The following UQCC1 variants were observed in gnomAD, a reference collection of about 807,000 sequenced individuals.
The protein encoded by UQCC1 is ubiquinol-cytochrome c reductase complex assembly factor 1.
In UQCC1, 38 loss-of-function variants were observed where a neutral mutation model predicts 48.0. The observed-to-expected ratio is 0.79, with a 90% CI of 0.61 to 1.04. The LOEUF (loss-of-function observed/expected upper bound fraction) is 1.04. UQCC1 is among the 50% of genes least tolerant of loss of function. UQCC1 has a pLI of 0.00. For synonymous variants in UQCC1, 111 were observed against 129.2 expected (o/e 0.86, Z 0.95); for missense variants, 368 against 381.8 (o/e 0.96, Z 0.30).
chr20:35,339,036 T>C (rs2061349628), intron 7 of UQCC1, among the ~76,000 whole-genome samples: 1 of 150,476 alleles, frequency 6.6e-6, no homozygotes, highest in South Asian at 2.1e-4. Context: ...ATTAAGTGTA[T>C]AACCAGGCTT....
intron 1 of UQCC1, among the ~76,000 whole-genome samples, chr20:35,396,188 T>G (rs2062076227): frequency 1.3e-5 from 2 of 151,876 alleles, no homozygotes; most frequent in South Asian, 4.2e-4. Context: ...TTTCACCATG[T>G]TGACCAGGCT....
At chr20:35,309,781 C>T (rs6579229) in intron 8 of UQCC1, among the ~76,000 whole-genome samples, 7,160 of 152,258 alleles carry the variant, frequency 0.047, 262 homozygotes, top group African/African-American at 0.097. Context: ...GGCAGAGTTC[C>T]ACTCAGTGAA....
chr20:35,352,547 T>C (rs1037368618), intron 6 of UQCC1, among the ~76,000 whole-genome samples: 5 of 152,164 alleles, frequency 3.3e-5, no homozygotes, highest in African/African-American at 1.2e-4. Context: ...CACATAACAA[T>C]TTTGGTCAGC....
At chr20:35,384,887 A>C (rs2061920039) in intron 2 of UQCC1, among the ~76,000 whole-genome samples, 1 of 148,890 alleles carries the variant, frequency 6.7e-6, no homozygotes, top group Non-Finnish European at 1.5e-5. Flanking sequence ...GAATAGCTTG[A>C]ACTGAGGAGG....
chr20:35,341,005 G>A (rs2061370878), intron 7 of UQCC1, among the ~76,000 whole-genome samples: 1 of 152,040 alleles, frequency 6.6e-6, no homozygotes, highest in South Asian at 2.1e-4. Flanking sequence ...GAGAAGGGCG[G>A]ATCACCTGAG....
At chr20:35,391,108 A>G (rs556658959) in intron 2 of UQCC1, among the ~76,000 whole-genome samples, 1 of 152,200 alleles carries the variant, frequency 6.6e-6, no homozygotes, top group Admixed American at 6.5e-5. Context: ...AGGCAAGACA[A>G]TCACTTGAAC....
At chr20:35,366,467 A>G in intron 6 of UQCC1, 90 bp downstream of exon 6, 13 of 1,123,054 alleles carry the variant, frequency 1.2e-5, no homozygotes, top group Non-Finnish European at 1.7e-5. Flanking sequence ...CTGCCATTTC[A>G]TATAATCAGC....
chr20:35,375,531 C>T (rs560574429), intron 4 of UQCC1, among the ~76,000 whole-genome samples: 4 of 152,136 alleles, frequency 2.6e-5, no homozygotes, highest in African/African-American at 7.2e-5. Flanking sequence ...TAGAAGCCCA[C>T]GTTTAAACAA....
At chr20:35,381,468 T>C (rs562603895) in intron 4 of UQCC1, among the ~76,000 whole-genome samples, 51 of 152,318 alleles carry the variant, frequency 3.3e-4, no homozygotes, top group African/African-American at 1.2e-3. Flanking sequence ...GAGGGACTAG[T>C]TCAGCCCCAC....
intron 4 of UQCC1, among the ~76,000 whole-genome samples, chr20:35,381,346 C>T (rs201066626): frequency 6.6e-6 from 1 of 152,102 alleles, no homozygotes; most frequent in African/African-American, 2.4e-5. Flanking sequence ...GAACATTTGG[C>T]CCATCTGACC....
chr20:35,383,970 T>G, intron 3 of UQCC1, 68 bp downstream of exon 3: 1 of 1,412,038 alleles, frequency 7.1e-7, no homozygotes, highest in East Asian at 2.3e-5. Context: ...GCTAACAATT[T>G]TGTTGAGATC....
intron 3 of UQCC1, 120 bp downstream of exon 3, chr20:35,383,918 A>G: frequency 1.3e-6 from 1 of 752,712 alleles, no homozygotes; most frequent in Non-Finnish European, 2.2e-6. Flanking sequence ...AAGTCACTTT[A>G]CCCCCTGAGC....
intron 1 of UQCC1, among the ~76,000 whole-genome samples, chr20:35,397,819 G>A (rs1234975418): frequency 6.6e-6 from 1 of 152,116 alleles, no homozygotes; most frequent in East Asian, 1.9e-4. Flanking sequence ...ATTGTACTAG[G>A]AGTCAAAGAT....
chr20:35,368,518 C>T (rs1426388582), intron 5 of UQCC1, among the ~76,000 whole-genome samples: 1 of 152,100 alleles, frequency 6.6e-6, no homozygotes, highest in African/African-American at 2.4e-5. Flanking sequence ...CTCTAACAGC[C>T]TCTCTAATAC....
At chr20:35,330,354 T>C (rs1476488150) in intron 7 of UQCC1, among the ~76,000 whole-genome samples, 3 of 152,256 alleles carry the variant, frequency 2.0e-5, no homozygotes, top group Admixed American at 6.5e-5. Context: ...TTGGAAAGGG[T>C]TGAATTAGGA....
chr20:35,404,807 C>T (rs1049040121), intron 1 of UQCC1, among the ~76,000 whole-genome samples: 10 of 152,232 alleles, frequency 6.6e-5, no homozygotes, highest in Non-Finnish European at 1.0e-4. Context: ...CCAGGAGCAC[C>T]GGTTGAAAAC....
chr20:35,330,424 G>A (rs2061243763), intron 7 of UQCC1, among the ~76,000 whole-genome samples: 1 of 152,164 alleles, frequency 6.6e-6, no homozygotes, highest in Non-Finnish European at 1.5e-5. Context: ...ATTAGGAGAT[G>A]GCATAAAATA....
At chr20:35,359,902 C>T (rs1286664358) in intron 6 of UQCC1, among the ~76,000 whole-genome samples, 1 of 152,158 alleles carries the variant, frequency 6.6e-6, no homozygotes, top group Non-Finnish European at 1.5e-5. Context: ...GTTTCCCAAA[C>T]TCCCTCACTA....
intron 6 of UQCC1, among the ~76,000 whole-genome samples, chr20:35,358,269 G>T (rs533117411): frequency 6.9e-6 from 1 of 145,552 alleles, no homozygotes; most frequent in African/African-American, 2.6e-5. Context: ...CAGGAGAATC[G>T]CTTGAACTTG....
Sources: allele counts gnomAD v4.1 joint callset (sites outside exome capture counted in the v4.1 genomes callset), GRCh38; gene constraint gnomAD v4.1.1; transcripts MANE v1.5; gene names NCBI Gene and HGNC (gene_info 2026-07-23, HGNC 2026-07-21).